EFCAB6: variants seen among roughly 807,000 people sequenced by gnomAD.
EFCAB6 encodes EF-hand calcium binding domain 6, also known as EF-hand calcium-binding domain-containing protein 6.
In EFCAB6, 156 loss-of-function variants were observed where a neutral mutation model predicts 169.8. The observed-to-expected ratio is 0.92, with a 90% CI of 0.81 to 1.05. EFCAB6 has a LOEUF of 1.05. EFCAB6 is among the 50% of genes least tolerant of loss of function. EFCAB6 has a pLI of 0.00. For synonymous variants in EFCAB6, 698 were observed against 676.4 expected, an observed-to-expected ratio of 1.03 and a Z score of -0.50; for missense variants, 1,800 against 1,829.1, an observed-to-expected ratio of 0.98 and a Z score of 0.29.
At chr22:43,728,501 T>C (rs531115263) in intron 8 of EFCAB6, among the ~76,000 whole-genome samples, 85 of 152,370 alleles carry the variant, frequency 5.6e-4, no homozygotes, top group African/African-American at 2.0e-3. Context: ...TCTTCCACAA[T>C]AGTTGAACTA....
At chr22:43,608,695 G>A in intron 21 of EFCAB6, 95 bp from the exon 22 acceptor site, 1 of 1,141,226 alleles carries the variant, frequency 8.8e-7, no homozygotes, top group Non-Finnish European at 1.3e-6. Context: ...AAACTCTAAG[G>A]CATCTGTATC....
chr22:43,627,547 T>C (rs2054613285), intron 19 of EFCAB6, among the ~76,000 whole-genome samples: 1 of 152,240 alleles, frequency 6.6e-6, no homozygotes, highest in Non-Finnish European at 1.5e-5. Context: ...ATGCTGTTTG[T>C]TGCACTTGCC....
intron 26 of EFCAB6, among the ~76,000 whole-genome samples, chr22:43,559,307 A>G (rs2048891292): frequency 1.3e-5 from 2 of 152,370 alleles, no homozygotes; most frequent in Admixed American, 1.3e-4. Context: ...CAAAACCACA[A>G]TAAGATACCC....
In EFCAB6 at chr22:43,600,174, C is replaced by T; in HGVS notation, c.2771G>A (p.Cys924Tyr). ...CATGAAGTTGAAATAATCCTCTGCA[C>T]AGGGCCGATGGACAGCAGGCGAATA... ...INYSPAVHRP[C>Y]AEDYFNFMGH... Residue 924 changes from cysteine (C) to tyrosine (Y), a missense_variant, in exon 23 of 32, where the codon TGT (cysteine) becomes TAT (tyrosine). By Grantham distance (194) the Cys-to-Tyr change is radical (BLOSUM62 -2). Coordinates refer to ENST00000262726, the MANE Select transcript of EFCAB6 (RefSeq NM_022785.4). 1 of 1,614,152 alleles carries T rather than the reference C, an allele frequency of 6.2e-7. No homozygotes were observed. The highest frequency in any genetic ancestry group is 8.5e-7 in the Non-Finnish European group (1 of 1,180,026).
At chr22:43,664,026 G>A (rs1041683663) in intron 17 of EFCAB6, among the ~76,000 whole-genome samples, 1 of 152,228 alleles carries the variant, frequency 6.6e-6, no homozygotes, top group African/African-American at 2.4e-5. Context: ...CCTTCAGGCA[G>A]CAGGGAGGTC....
chr22:43,661,618 C>T (rs2057005687), intron 17 of EFCAB6, among the ~76,000 whole-genome samples: 1 of 152,172 alleles, frequency 6.6e-6, no homozygotes, highest in Non-Finnish European at 1.5e-5. Context: ...TCTCCTTCCC[C>T]TCCTCACAGT....
At chr22:43,660,058 G>A (rs764443138) in intron 17 of EFCAB6, among the ~76,000 whole-genome samples, 19 of 152,182 alleles carry the variant, frequency 1.2e-4, no homozygotes, top group Non-Finnish European at 5.9e-5. Flanking sequence ...TCCAGAGGTG[G>A]TACTAAGAAC....
In EFCAB6 at chr22:43,683,836, A is replaced by G; in HGVS notation, c.1162T>C (p.Ser388Pro). The G allele has an allele frequency of 6.2e-7, 1 of 1,611,964 alleles. No individual in the cohort carries two copies. The highest frequency in any genetic ancestry group is 2.2e-5 in the East Asian group (1 of 44,878). Residue 388 changes from serine (S) to proline (P), a missense_variant, in exon 12 of 32, where the codon TCT (serine) becomes CCT (proline). Coordinates refer to ENST00000262726, the MANE Select transcript of EFCAB6 (RefSeq NM_022785.4). ...KRNSINSRNE[S>P]HKENIITKLF... ...TTTGTGATGATGTTTTCCTTGTGAG[A>G]TTCATTTCTAGAGTTGATGCTACAA...
chr22:43,633,872 C>T (rs1239167560), intron 18 of EFCAB6, among the ~76,000 whole-genome samples: 4 of 152,216 alleles, frequency 2.6e-5, no homozygotes, highest in African/African-American at 7.2e-5. Context: ...ATAAACACCC[C>T]CACCCCACCG....
At chr22:43,696,937 A>T (rs549261137) in intron 10 of EFCAB6, among the ~76,000 whole-genome samples, 85 of 152,374 alleles carry the variant, frequency 5.6e-4, no homozygotes, top group Non-Finnish European at 9.4e-4. Context: ...TTTATAATTT[A>T]TACCTCTATA....
At chr22:43,634,237 T>C (rs1380464956) in intron 18 of EFCAB6, among the ~76,000 whole-genome samples, 1 of 152,210 alleles carries the variant, frequency 6.6e-6, no homozygotes. Context: ...CTTATTTTCC[T>C]TAAAAAATAT....
intron 26 of EFCAB6, among the ~76,000 whole-genome samples, chr22:43,564,437 A>C (rs552173591): frequency 4.2e-4 from 63 of 150,594 alleles, no homozygotes; most frequent in African/African-American, 1.4e-3. Context: ...GACAGAGCAA[A>C]ACTATGTCTC....
intron 3 of EFCAB6, among the ~76,000 whole-genome samples, chr22:43,777,143 T>A (rs1447607226): frequency 6.6e-6 from 1 of 152,114 alleles, no homozygotes; most frequent in Non-Finnish European, 1.5e-5. Context: ...AAATCAAGGA[T>A]AATCCCTTGG....
At position 43,612,901 on chromosome 22, in the gene EFCAB6, A is replaced by G. The variant is rs532755633; in HGVS notation, c.2562+2925T>C. Among the ~76,000 whole-genome samples the G allele has an allele frequency of 3.1e-5, 4 of 128,414 alleles. No individual in the cohort carries two copies. In the East Asian group the frequency reaches 9.1e-4, roughly 29 times the overall value. The allele number at this position is 128,414 out of a possible 152,430, so 84.2% of individuals were successfully genotyped here. A position where few individuals can be genotyped will look rare whatever the true frequency, so the allele number is the denominator to read the frequency against. On this transcript the variant is annotated intron_variant, in intron 21 of 31. Transcript: ENST00000262726. The stretch of plus-strand genomic sequence containing the variant: ...AGAGTGAGACTCCATCTCAATTAAA[A>G]AAAAAAAAAAAGTAAAAAAAAACAG...
In EFCAB6 at chr22:43,668,965, G is replaced by A. The variant is rs756496320; in HGVS notation, c.1721C>T (p.Pro574Leu). The change falls in exon 16 of 32, where the codon CCA (proline) becomes CTA (leucine). Residue 574 changes from proline (P) to leucine (L), a missense_variant. By Grantham distance (98) the Pro-to-Leu change is moderately conservative (BLOSUM62 -3). Coordinates refer to ENST00000262726, the MANE Select transcript of EFCAB6 (RefSeq NM_022785.4). ...AACAAGAACTGGAGAGACAGTGGGT[G>A]GGCCATCAATTCCTATGCATGCCAA... ...KLLACIGIDG[P>L]PTVSPVLVPK... 4 of 1,613,246 alleles carry A rather than the reference G, an allele frequency of 2.5e-6. No homozygotes were observed. The Admixed American group carries it at 5.0e-5, about 20-fold the overall frequency.
At chr22:43,629,391 G>A (rs889621459) in intron 19 of EFCAB6, among the ~76,000 whole-genome samples, 4 of 152,144 alleles carry the variant, frequency 2.6e-5, no homozygotes, top group Non-Finnish European at 4.4e-5. Flanking sequence ...AGCATAACAC[G>A]GGAACATTAA....
Position 43,678,170 on chromosome 22 carries a change from A to C in EFCAB6, c.1252-7T>G. The C allele has an allele frequency of 6.2e-7, 1 of 1,605,462 alleles. No individual in the cohort carries two copies. Among genetic ancestry groups the C allele is most frequent in the Non-Finnish European group, 8.5e-7 (1 of 1,175,846 alleles). ...TTATCGGTCCATCGGGTTTCTGAGC[A>C]TCAGAGTGTATATAAGGGAATTTTT... is the stretch of plus-strand genomic sequence containing the variant. On this transcript the variant is annotated splice_polypyrimidine_tract_variant and splice_region_variant and intron_variant, in intron 12 of 31. Coordinates refer to ENST00000262726, the MANE Select transcript of EFCAB6 (RefSeq NM_022785.4).
chr22:43,793,472 A>G (rs2062384314), intron 2 of EFCAB6, among the ~76,000 whole-genome samples: 1 of 152,260 alleles, frequency 6.6e-6, no homozygotes. Context: ...TCCATTATTC[A>G]GCAAACACTG....
intron 2 of EFCAB6, among the ~76,000 whole-genome samples, chr22:43,803,616 G>A (rs181513392): frequency 1.1e-3 from 163 of 152,088 alleles, no homozygotes; most frequent in African/African-American, 3.8e-3. Context: ...TCAGCAAGAG[G>A]ATATAACAAT....
Sources: gnomAD v4.1 joint callset for allele counts (sites outside exome capture counted in the v4.1 genomes callset) on GRCh38, gnomAD v4.1.1 for gene constraint, MANE v1.5 for transcripts, NCBI Gene and HGNC (gene_info 2026-07-23, HGNC 2026-07-21) for gene names.